ZDHHC6: variants seen among roughly 807,000 people sequenced by gnomAD.
ZDHHC6 encodes zDHHC palmitoyltransferase 6.
Under a neutral mutation model 57.8 loss-of-function variants are expected in ZDHHC6, and 32 were observed. The ratio of observed to expected loss-of-function variants is 0.55; its 90% CI spans 0.42 to 0.74. ZDHHC6 has a LOEUF of 0.74. ZDHHC6 is among the 30% of genes least tolerant of loss of function. The pLI, the probability that ZDHHC6 is intolerant of heterozygous loss-of-function variation, is 0.00. For synonymous variants in ZDHHC6, 128 were observed against 158.0 expected (o/e 0.81, Z 1.42); for missense variants, 433 against 500.7 (o/e 0.86, Z 1.29).
downstream of ZDHHC6, chr10:112,426,368 T>A (rs1844712341): frequency 6.2e-7 from 1 of 1,612,570 alleles, no homozygotes; most frequent in Admixed American, 1.7e-5. Context: ...AAGTAAGTCT[T>A]GCCTAGGAAA....
upstream of ZDHHC6, chr10:112,447,519 C>A: frequency 6.3e-7 from 1 of 1,589,260 alleles, no homozygotes; most frequent in Non-Finnish European, 8.6e-7. Context: ...TGGGAGGGTG[C>A]GGGCGGTGGA....
At chr10:112,447,063 A>T (rs1846845553), upstream of ZDHHC6, 1 of 336,664 alleles carries the variant, frequency 3.0e-6, no homozygotes, top group South Asian at 5.0e-5. Context: ...AAACGCTTCT[A>T]ATGATCCCTC....
chr10:112,429,329 T>C (rs1297797042), downstream of ZDHHC6, among the ~76,000 whole-genome samples: 1 of 152,214 alleles, frequency 6.6e-6, no homozygotes, highest in Non-Finnish European at 1.5e-5. Flanking sequence ...CAGACACAGG[T>C]CCAGCCTGTT....
At chr10:112,441,916 T>C (rs1300451900) in intron 4 of ZDHHC6, among the ~76,000 whole-genome samples, 1 of 152,220 alleles carries the variant, frequency 6.6e-6, no homozygotes, top group Non-Finnish European at 1.5e-5. Flanking sequence ...CCATAACTAT[T>C]AAGTTTGAAG....
rs965372633 is a variant in ZDHHC6 at position 112,444,488 on chromosome 10, G to A, written c.267+682C>T. 9.2e-5 allele frequency among the ~76,000 whole-genome samples: 14 copies of A among 152,278 alleles called. No individual in the cohort carries two copies. In the East Asian group the frequency reaches 2.5e-3, roughly 27 times the overall value. On this transcript the variant is annotated intron_variant, in intron 2 of 10. Transcript: ENST00000369405. ...AATTACATCTTACCCTCCTCTGTAC[G>A]CATTTTGAATAGTACATAGCACATG... is the stretch of plus-strand genomic sequence containing the variant.
chr10:112,426,297 C>G, downstream of ZDHHC6: 7 of 1,614,120 alleles, frequency 4.3e-6, no homozygotes, highest in Non-Finnish European at 5.9e-6. Context: ...CACAGATGTA[C>G]TTCCCTCATT....
intron 10 of ZDHHC6, 68 bp from the exon 11 acceptor site, chr10:112,430,975 A>AT: frequency 7.7e-7 from 1 of 1,303,284 alleles, no homozygotes; most frequent in Non-Finnish European, 1.1e-6. Flanking sequence ...GAAAGCAGTA[A>AT]GTCCTATTAC....
In ZDHHC6 at chr10:112,445,283, T is replaced by C. The variant is rs200188357; in HGVS notation, c.154A>G (p.Thr52Ala). The C allele has an allele frequency of 2.5e-6, 4 of 1,614,192 alleles. No individual in the cohort carries two copies. Among genetic ancestry groups the C allele is most frequent in the Non-Finnish European group, 3.4e-6 (4 of 1,180,020 alleles). ...SVLWYWPLHT[T>A]GGSVNFIMLI... ...ATGATGAAATTCACACTTCCTCCAG[T>C]TGTATGTAAGGGCCAATACCACAAC... Residue 52 changes from threonine to alanine, a missense_variant, in exon 2 of 11, where the codon ACT (threonine) becomes GCT (alanine). Physicochemically the swap from Thr to Ala is moderately conservative, Grantham distance 58 (BLOSUM62 0). Transcript: ENST00000369405.
At chr10:112,431,427 C>T (rs1396516898) in intron 10 of ZDHHC6, among the ~76,000 whole-genome samples, 2 of 152,022 alleles carry the variant, frequency 1.3e-5, no homozygotes, top group African/African-American at 2.4e-5. Flanking sequence ...AATTCTCCTG[C>T]CTCAGCCTCT....
At chr10:112,437,036 T>C (rs1845606009) in intron 6 of ZDHHC6, among the ~76,000 whole-genome samples, 1 of 152,096 alleles carries the variant, frequency 6.6e-6, no homozygotes, top group African/African-American at 2.4e-5. Context: ...CAGGACTTGG[T>C]GAACATTTTC....
downstream of ZDHHC6, chr10:112,426,446 A>G (rs1039368316): frequency 1.4e-5 from 16 of 1,138,694 alleles, no homozygotes; most frequent in African/African-American, 1.8e-4. Flanking sequence ...ATCTGTCACA[A>G]GTGGCTGCAG....
intron 1 of ZDHHC6, 30 bp from the exon 2 acceptor site, chr10:112,445,680 T>TAAAAC (rs922091792): frequency 7.6e-5 from 41 of 539,382 alleles, no homozygotes; most frequent in South Asian, 2.6e-4. Flanking sequence ...AAAGTTCAGT[T>TAAAAC]AAAACAAAAC....
At chr10:112,432,653 C>CTGGGAGG in intron 8 of ZDHHC6, 132 bp from the exon 9 acceptor site, 4 of 1,095,700 alleles carry the variant, frequency 3.7e-6, no homozygotes, top group Non-Finnish European at 5.1e-6. Flanking sequence ...TCTAGGGGAA[C>CTGGGAGG]CTCCCAGTTC....
chr10:112,427,514 G>T (rs566062494), downstream of ZDHHC6: 4 of 589,596 alleles, frequency 6.8e-6, no homozygotes, highest in Non-Finnish European at 8.0e-6. Context: ...GACATATAAT[G>T]TGTAAACTTA....
At chr10:112,440,739 G>A (rs755010111) in intron 4 of ZDHHC6, 44 bp from the exon 5 acceptor site, 1 of 1,578,218 alleles carries the variant, frequency 6.3e-7, no homozygotes, top group East Asian at 2.3e-5. Flanking sequence ...TTTGGTTATG[G>A]TAACTGGTCA....
chr10:112,436,219 A>G (rs1175874796), intron 6 of ZDHHC6, among the ~76,000 whole-genome samples: 2 of 152,270 alleles, frequency 1.3e-5, no homozygotes, highest in Non-Finnish European at 2.9e-5. Flanking sequence ...TCACGCCTGT[A>G]ATCCCAGCAC....
chr10:112,428,867 A>G (rs2256624), downstream of ZDHHC6, among the ~76,000 whole-genome samples: 143,950 of 152,238 alleles, frequency 0.95, 68,207 homozygotes, highest in East Asian at 0.99. Flanking sequence ...CTGGGCACTG[A>G]GATTGTTAAG....
chr10:112,438,536 A>G (rs1845767193), intron 5 of ZDHHC6, 147 bp from the exon 6 acceptor site: 1 of 622,466 alleles, frequency 1.6e-6, no homozygotes, highest in Non-Finnish European at 2.4e-6. Context: ...CACAATTACC[A>G]TGTCATCCGT....
intron 6 of ZDHHC6, among the ~76,000 whole-genome samples, chr10:112,435,466 C>G (rs1157134663): frequency 6.6e-6 from 1 of 152,068 alleles, no homozygotes; most frequent in Non-Finnish European, 1.5e-5. Flanking sequence ...TTATAAGCAG[C>G]CTTGGTCATC....
Sources: allele counts gnomAD v4.1 joint callset (sites outside exome capture counted in the v4.1 genomes callset), GRCh38; gene constraint gnomAD v4.1.1; transcripts MANE v1.5; gene names NCBI Gene and HGNC (gene_info 2026-07-23, HGNC 2026-07-21).